Variants in MCC observed in about 807,000 individuals in gnomAD.
MCC encodes the protein colorectal mutant cancer protein.
In MCC, 90 loss-of-function variants were observed where a neutral mutation model predicts 116.2. The ratio of observed to expected loss-of-function variants is 0.77; its 90% confidence interval spans 0.65 to 0.92. MCC has a LOEUF of 0.92. Ranked by LOEUF, MCC falls within the 40% of genes least tolerant of loss-of-function variation. MCC has a pLI of 0.00. For synonymous variants in MCC, 578 were observed against 510.5 expected, an observed-to-expected ratio of 1.13 and a Z score of -1.78; for missense variants, 1,516 against 1,312.2, an observed-to-expected ratio of 1.16 and a Z score of -2.40.
At chr5:113,133,614 T>C (rs1413417253) in intron 5 of MCC, among the ~76,000 whole-genome samples, 2 of 152,194 alleles carry the variant, frequency 1.3e-5, no homozygotes, top group African/African-American at 2.4e-5. Context: ...TTCAATATAT[T>C]GATGTCTTTT....
At chr5:113,145,477 T>G (rs1759439236) in intron 4 of MCC, among the ~76,000 whole-genome samples, 1 of 152,188 alleles carries the variant, frequency 6.6e-6, no homozygotes, top group South Asian at 2.1e-4. Context: ...TTCTTTTTTC[T>G]TTGATGTCCT....
At chr5:113,438,855 CTT>C (rs1447499362) in intron 1 of MCC, among the ~76,000 whole-genome samples, 2 of 152,014 alleles carry the variant, frequency 1.3e-5, no homozygotes, top group African/African-American at 4.8e-5. Flanking sequence ...AAATATGAAA[CTT>C]AAGTAGATTT....
rs181529894 is a variant in MCC, at chr5:113,050,847, G to T, written c.2449-1548C>A. ...CAGACTGTCCTCAGGCCCTCCACCCGGGGGCTTAACATTACCCAAGGCCAG... is the reference window on the plus strand; with the variant it reads ...CAGACTGTCCTCAGGCCCTCCACCCTGGGGCTTAACATTACCCAAGGCCAG... On this transcript the variant is annotated intron_variant, in intron 15 of 18. Coordinates refer to ENST00000408903, the MANE Select transcript of MCC (RefSeq NM_001085377.2). Among the ~76,000 whole-genome samples, 8 of 152,348 alleles carry T rather than the reference G, an allele frequency of 5.3e-5. No homozygotes were observed. In the South Asian group the frequency reaches 1.7e-3, roughly 32 times the overall value.
chr5:113,294,391 A>G (rs761138539), intron 3 of MCC: 1 of 1,613,604 alleles, frequency 6.2e-7, no homozygotes, highest in Non-Finnish European at 8.5e-7. Flanking sequence ...TTCATGATGC[A>G]CTTTTCAGAG....
At chr5:113,486,445 T>C (rs571802437) in intron 1 of MCC, among the ~76,000 whole-genome samples, 3 of 152,364 alleles carry the variant, frequency 2.0e-5, no homozygotes, top group South Asian at 2.1e-4. Context: ...AGCATTTATA[T>C]AGAAAGTGTA....
chr5:113,265,149 T>C (rs1393196867), intron 3 of MCC, among the ~76,000 whole-genome samples: 1 of 152,208 alleles, frequency 6.6e-6, no homozygotes, highest in Non-Finnish European at 1.5e-5. Context: ...CCATAGGACC[T>C]GCAAAGCTTA....
In MCC at chr5:113,366,017, T is replaced by C. The variant is rs577233682; in HGVS notation, c.415+18951A>G. Among the ~76,000 whole-genome samples, 21 of 152,336 alleles carry C rather than the reference T, an allele frequency of 1.4e-4. No individual in the cohort carries two copies. The South Asian group carries it at 4.1e-3, about 30-fold the overall frequency. On this transcript the variant is annotated intron_variant, in intron 2 of 18. Coordinates refer to ENST00000408903, the MANE Select transcript of MCC (RefSeq NM_001085377.2). ...TTCAACATGAGATTTGATGGTGACA[T>C]AGATCCAAACCATATCACCTCTCTT...
chr5:113,145,416 T>C (rs75815889), intron 4 of MCC, among the ~76,000 whole-genome samples: 1 of 152,310 alleles, frequency 6.6e-6, no homozygotes, highest in African/African-American at 2.4e-5. Context: ...CTGTGAAACA[T>C]TTCCACTTAC....
chr5:113,159,842 T>C (rs1409866618), intron 3 of MCC, among the ~76,000 whole-genome samples: 1 of 152,238 alleles, frequency 6.6e-6, no homozygotes, highest in Non-Finnish European at 1.5e-5. Flanking sequence ...CAAGAAATGC[T>C]GCTCATAGTC....
At chr5:113,189,733 A>T (rs1762065186) in intron 3 of MCC, among the ~76,000 whole-genome samples, 1 of 152,248 alleles carries the variant, frequency 6.6e-6, no homozygotes. Context: ...TCACTGTTTA[A>T]CCTTTGAAAA....
At chr5:113,179,116 A>AC (rs1761484177) in intron 3 of MCC, among the ~76,000 whole-genome samples, 1 of 152,200 alleles carries the variant, frequency 6.6e-6, no homozygotes, top group African/African-American at 2.4e-5. Context: ...CTTTAAGAAC[A>AC]CAGGCTGTGC....
chr5:113,083,114 G>T, intron 10 of MCC, 106 bp from the exon 11 acceptor site: 2 of 1,077,058 alleles, frequency 1.9e-6, no homozygotes, highest in Non-Finnish European at 1.3e-6. Flanking sequence ...TCGGGGACTG[G>T]GAGGATGGTT....
intron 6 of MCC, among the ~76,000 whole-genome samples, chr5:113,106,414 T>C (rs942389054): frequency 6.6e-6 from 1 of 151,896 alleles, no homozygotes; most frequent in East Asian, 1.9e-4. Flanking sequence ...TCATTCACTA[T>C]GCTCCATTCA....
In MCC at chr5:113,182,527, C is replaced by T. The variant is rs187414938; in HGVS notation, c.628-31105G>A. 1.2e-3 allele frequency among the ~76,000 whole-genome samples: 182 copies of T among 152,014 alleles called. 3 individuals are homozygous for T. Among genetic ancestry groups the T allele is most frequent in the Non-Finnish European group, 2.8e-4 (19 of 67,988 alleles). On this transcript the variant is annotated intron_variant, in intron 3 of 18. Transcript: ENST00000408903. ...AGGAGAATAGCTTGAACCTGGGAGGCGGAGGTTGCACTGAGCCAATATCGT... is the reference window on the plus strand; with the variant it reads ...AGGAGAATAGCTTGAACCTGGGAGGTGGAGGTTGCACTGAGCCAATATCGT...
At chr5:113,170,614 C>T (rs567394700) in intron 3 of MCC, among the ~76,000 whole-genome samples, 1 of 152,164 alleles carries the variant, frequency 6.6e-6, no homozygotes, top group South Asian at 2.1e-4. Flanking sequence ...AAAAGCACTA[C>T]AAAAATGTTA....
At chr5:113,161,911 T>A (rs1188653344) in intron 3 of MCC, among the ~76,000 whole-genome samples, 1 of 152,258 alleles carries the variant, frequency 6.6e-6, no homozygotes, top group East Asian at 1.9e-4. Flanking sequence ...TGCCACGGCA[T>A]GCTCCGTTTC....
At chr5:113,248,969 G>A (rs1370735454) in intron 3 of MCC, among the ~76,000 whole-genome samples, 3 of 151,766 alleles carry the variant, frequency 2.0e-5, no homozygotes, top group South Asian at 2.1e-4. Context: ...TCAGCCTCCC[G>A]AGTAGCTGGG....
At chr5:113,393,619 A>C (rs1253431074) in intron 1 of MCC, among the ~76,000 whole-genome samples, 2 of 152,220 alleles carry the variant, frequency 1.3e-5, no homozygotes, top group African/African-American at 4.8e-5. Flanking sequence ...TTATAGTCCC[A>C]CTAGCAGTGT....
intron 6 of MCC, among the ~76,000 whole-genome samples, chr5:113,112,293 G>A (rs968671692): frequency 4.6e-5 from 7 of 152,130 alleles, no homozygotes; most frequent in Non-Finnish European, 8.8e-5. Flanking sequence ...AATTGTAATC[G>A]CCAATGTTGG....
Sources: allele counts gnomAD v4.1 joint callset (sites outside exome capture counted in the v4.1 genomes callset), GRCh38; gene constraint gnomAD v4.1.1; transcripts MANE v1.5; gene names NCBI Gene and HGNC (gene_info 2026-07-23, HGNC 2026-07-21).